The following MAD1L1 variants were observed in gnomAD, a reference collection of about 807,000 sequenced individuals.
MAD1L1 encodes mitotic spindle assembly checkpoint protein MAD1.
MAD1L1 carries 95 observed loss-of-function variants against 96.9 expected under a neutral mutation model. That is an observed-to-expected ratio of 0.98 (90% CI 0.83 to 1.16). MAD1L1 has a LOEUF of 1.16. Ranked by LOEUF, MAD1L1 falls within the 50% of genes most tolerant of loss-of-function variation. MAD1L1 has a pLI of 0.00. For synonymous variants in MAD1L1, 473 were observed against 396.6 expected (o/e 1.19, Z -2.29); for missense variants, 1,007 against 954.4 (o/e 1.06, Z -0.73).
intron 11 of MAD1L1, among the ~76,000 whole-genome samples, chr7:2,106,893 C>T (rs954141033): frequency 1.8e-4 from 27 of 152,350 alleles, no homozygotes; most frequent in African/African-American, 6.3e-4. Flanking sequence ...TGAGAGACAG[C>T]TGAGTGCAGA....
At chr7:1,978,944 T>C (rs1397887452) in intron 15 of MAD1L1, among the ~76,000 whole-genome samples, 1 of 152,196 alleles carries the variant, frequency 6.6e-6, no homozygotes, top group Admixed American at 6.5e-5. Flanking sequence ...GAGGGCGATG[T>C]GTAAGGCACA....
At chr7:2,010,420 G>C (rs1782243499) in intron 13 of MAD1L1, among the ~76,000 whole-genome samples, 1 of 152,200 alleles carries the variant, frequency 6.6e-6, no homozygotes, top group Non-Finnish European at 1.5e-5. Context: ...CAGCAGCGCA[G>C]TAATCGCTTT....
At chr7:1,940,974 C>CCCTCCTCTTCCTCTCCCAGGCCTCAG (rs760457140) in intron 16 of MAD1L1, among the ~76,000 whole-genome samples, 8,392 of 111,844 alleles carry the variant, frequency 0.075, 569 homozygotes, top group African/African-American at 0.084. Context: ...GCAGGCCTCA[C>CCCTCCTCTTCCTCTCCCAGGCCTCAG]CCTCCTCTTC....
At chr7:2,047,262 G>C (rs968867346) in intron 12 of MAD1L1, among the ~76,000 whole-genome samples, 1 of 152,172 alleles carries the variant, frequency 6.6e-6, no homozygotes, top group African/African-American at 2.4e-5. Flanking sequence ...CCGCAGCTGC[G>C]TAACAAGCTG....
At chr7:2,219,785 C>T (rs1161139886) in intron 5 of MAD1L1, among the ~76,000 whole-genome samples, 1 of 152,110 alleles carries the variant, frequency 6.6e-6, no homozygotes, top group Non-Finnish European at 1.5e-5. Context: ...CCACCCTCCT[C>T]CTGGTGCTCC....
At chr7:2,008,983 T>C (rs998592181) in intron 13 of MAD1L1, among the ~76,000 whole-genome samples, 1 of 152,122 alleles carries the variant, frequency 6.6e-6, no homozygotes, top group Admixed American at 6.5e-5. Context: ...TTTCATCACA[T>C]GGCGGGAAAA....
intron 10 of MAD1L1, among the ~76,000 whole-genome samples, chr7:2,155,116 A>G (rs1789762714): frequency 6.6e-6 from 1 of 152,096 alleles, no homozygotes. Flanking sequence ...GCCTGGCAAG[A>G]AGGCTTGCTA....
chr7:2,110,441 C>T (rs771307271), intron 11 of MAD1L1, among the ~76,000 whole-genome samples: 21 of 152,228 alleles, frequency 1.4e-4, no homozygotes, highest in Non-Finnish European at 2.6e-4. Flanking sequence ...CTCGCACAGA[C>T]ACCTCCTCTC....
At chr7:2,013,708 T>G (rs928815901) in intron 13 of MAD1L1, among the ~76,000 whole-genome samples, 4 of 152,186 alleles carry the variant, frequency 2.6e-5, no homozygotes, top group African/African-American at 9.7e-5. Context: ...CACGGAGAAG[T>G]GGTGCAAATC....
At chr7:2,041,885 G>A (rs1440703563) in intron 12 of MAD1L1, among the ~76,000 whole-genome samples, 1 of 152,162 alleles carries the variant, frequency 6.6e-6, no homozygotes, top group Admixed American at 6.5e-5. Flanking sequence ...CTTTGGCCTG[G>A]CCACGCTGCA....
intron 15 of MAD1L1, among the ~76,000 whole-genome samples, chr7:1,974,575 TTAA>T (rs2128481139): frequency 6.6e-6 from 1 of 151,966 alleles, no homozygotes; most frequent in African/African-American, 2.4e-5. Context: ...TAAGAACAGG[TTAA>T]CAAAGCTGAG....
chr7:1,837,966 C>G (rs1783025066), intron 18 of MAD1L1, among the ~76,000 whole-genome samples: 1 of 152,216 alleles, frequency 6.6e-6, no homozygotes, highest in Non-Finnish European at 1.5e-5. Context: ...CTGTCACAGG[C>G]CAGCCTGGTG....
chr7:2,082,476 C>A (rs903841765), intron 11 of MAD1L1, among the ~76,000 whole-genome samples: 1 of 152,218 alleles, frequency 6.6e-6, no homozygotes, highest in Admixed American at 6.5e-5. Context: ...GCCGTGACTT[C>A]AGCACCATGT....
In MAD1L1 at chr7:2,002,139, A is replaced by C; in HGVS notation, c.1360-18T>G. 6.2e-7 allele frequency: 1 copy of C among 1,612,282 alleles called. No individual in the cohort carries two copies. The highest frequency in any genetic ancestry group is 8.5e-7 in the Non-Finnish European group (1 of 1,179,778). On this transcript the variant is annotated intron_variant, in intron 13 of 18. Coordinates refer to ENST00000265854, the MANE Select transcript of MAD1L1 (RefSeq NM_001013836.2). ...AGCTGAGCCTGCAAGACAAGACAGGATTCGGCCTGAGACTGTGGTGGGCCA... is the reference window on the plus strand; with the variant it reads ...AGCTGAGCCTGCAAGACAAGACAGGCTTCGGCCTGAGACTGTGGTGGGCCA...
At chr7:2,149,447 G>C (rs992851877) in intron 10 of MAD1L1, among the ~76,000 whole-genome samples, 1 of 152,166 alleles carries the variant, frequency 6.6e-6, no homozygotes, top group African/African-American at 2.4e-5. Context: ...ACACCGGGGA[G>C]ATGACCTTAG....
intron 10 of MAD1L1, among the ~76,000 whole-genome samples, chr7:2,156,400 T>TGCCCC (rs1384715571): frequency 1.3e-5 from 2 of 152,012 alleles, no homozygotes; most frequent in African/African-American, 4.8e-5. Context: ...AACTCCAGCC[T>TGCCCC]GCCCCGCCCC....
chr7:1,939,214 ACG>A (rs1491476787), intron 16 of MAD1L1, among the ~76,000 whole-genome samples: 1 of 88,166 alleles, frequency 1.1e-5, no homozygotes, highest in Non-Finnish European at 2.2e-5. Flanking sequence ...ACACACACAC[ACG>A]GGCCAGGGCC....
intron 16 of MAD1L1, among the ~76,000 whole-genome samples, chr7:1,939,288 C>T (rs539072833): frequency 6.8e-5 from 10 of 148,084 alleles, no homozygotes; most frequent in East Asian, 2.1e-4. Flanking sequence ...GGGCCAGGGC[C>T]GGGGCCAGCG....
At chr7:2,228,415 C>T (rs56040124) in intron 3 of MAD1L1, among the ~76,000 whole-genome samples, 3,826 of 151,948 alleles carry the variant, frequency 0.025, 79 homozygotes, top group Middle Eastern at 0.054. Flanking sequence ...CCCACACCCG[C>T]CTAATTTTTG....
Sources: gnomAD v4.1 joint callset for allele counts (sites outside exome capture counted in the v4.1 genomes callset) on GRCh38, gnomAD v4.1.1 for gene constraint, MANE v1.5 for transcripts, NCBI Gene and HGNC (gene_info 2026-07-23, HGNC 2026-07-21) for gene names.